THSD7B: variants seen among roughly 807,000 people sequenced by gnomAD.
THSD7B encodes thrombospondin type-1 domain-containing protein 7B.
THSD7B carries 138 observed loss-of-function variants against 213.6 expected under a neutral mutation model. That is an observed-to-expected ratio of 0.65 (90% CI 0.56 to 0.74). The LOEUF (loss-of-function observed/expected upper bound fraction) is 0.74, where lower values mean the gene tolerates loss of function less well. Among genes scored for constraint, THSD7B ranks in the 30% least tolerant of loss-of-function variants. The pLI, the probability that THSD7B is intolerant of heterozygous loss-of-function variation, is 0.00. For missense variants in THSD7B, 1,931 were observed against 1,991.5 expected (o/e 0.97, Z 0.58); for synonymous variants, 742 against 687.0 (o/e 1.08, Z -1.25).
intron 14 of THSD7B, among the ~76,000 whole-genome samples, chr2:137,441,437 T>G (rs1687409844): frequency 6.6e-6 from 1 of 152,196 alleles, no homozygotes; most frequent in African/African-American, 2.4e-5. Flanking sequence ...TAATTTAATT[T>G]GTGGTCTCTC....
At chr2:136,976,582 T>C (rs1685484835) in intron 2 of THSD7B, among the ~76,000 whole-genome samples, 1 of 152,166 alleles carries the variant, frequency 6.6e-6, no homozygotes, top group East Asian at 1.9e-4. Context: ...CAGTATTTTA[T>C]TGAGGGTTTT....
At position 137,169,850 on chromosome 2, in the gene THSD7B, T is replaced by C. The variant is rs145702138; in HGVS notation, c.1526-891T>C. Among the ~76,000 whole-genome samples the C allele has an allele frequency of 1.6e-3, 246 of 152,296 alleles. 1 individual carries two copies. The highest frequency in any genetic ancestry group is 5.4e-3 in the African/African-American group (224 of 41,558). ...TTGTTTTTTAAAAATTGTGCATTAG[T>C]TTTTATCATTTAAAAATAGAGGGAT... On this transcript the variant is annotated intron_variant, in intron 6 of 27. Coordinates refer to ENST00000409968, the MANE Select transcript of THSD7B (RefSeq NM_001316349.2).
chr2:137,249,326 A>G (rs1271313964), intron 10 of THSD7B, among the ~76,000 whole-genome samples: 1 of 152,138 alleles, frequency 6.6e-6, no homozygotes, highest in African/African-American at 2.4e-5. Context: ...TTTGGTTTAA[A>G]AAAAAAATAA....
chr2:137,152,845 C>A (rs1250040538), intron 5 of THSD7B, among the ~76,000 whole-genome samples: 1 of 152,168 alleles, frequency 6.6e-6, no homozygotes, highest in African/African-American at 2.4e-5. Flanking sequence ...CTGGAAATAG[C>A]TCTTTCATTG....
Position 137,647,506 on chromosome 2 carries a change from C to T in THSD7B, c.3945+4873C>T, listed in dbSNP as rs1683057879. Among the ~76,000 whole-genome samples, 2 of 143,382 alleles carry T rather than the reference C, an allele frequency of 1.4e-5. 1 individual carries two copies. The highest frequency in any genetic ancestry group is 4.6e-4 in the South Asian group (2 of 4,368). The allele number at this position is 143,382 out of a possible 152,430, so 94.1% of individuals were successfully genotyped here. A position where few individuals can be genotyped will look rare whatever the true frequency, so the allele number is the denominator to read the frequency against. On this transcript the variant is annotated intron_variant, in intron 21 of 27. Transcript: ENST00000409968. ...TCCCTCTTGTTTTGTCTCTTGCTCC[C>T]ACCTTCACTTTTCTTCTTTGTCTTA...
chr2:136,926,158 CCTCCCTCCTTT>C (rs141141322), intron 2 of THSD7B, among the ~76,000 whole-genome samples: 1,641 of 152,158 alleles, frequency 0.011, 21 homozygotes, highest in African/African-American at 0.037. Context: ...TATATGCATT[CCTCCCTCCTTT>C]CTCCCATGTC....
At chr2:136,767,636 G>A (rs1485011060) in intron 1 of THSD7B, among the ~76,000 whole-genome samples, 1 of 152,172 alleles carries the variant, frequency 6.6e-6, no homozygotes, top group Non-Finnish European at 1.5e-5. Context: ...AATTGTAGGT[G>A]TCATTGTTGA....
chr2:137,496,850 A>G (rs1055200382), intron 15 of THSD7B, among the ~76,000 whole-genome samples: 18 of 152,284 alleles, frequency 1.2e-4, no homozygotes, highest in African/African-American at 4.1e-4. Context: ...TTGAGTGCCT[A>G]TCATGTGCCC....
intron 12 of THSD7B, among the ~76,000 whole-genome samples, chr2:137,331,660 C>T (rs1469584317): frequency 3.9e-5 from 6 of 152,076 alleles, no homozygotes; most frequent in East Asian, 1.9e-4. Context: ...GAGCAGGGGG[C>T]GGTGCTCATC....
chr2:137,642,053 T>C (rs1682948656), intron 20 of THSD7B, among the ~76,000 whole-genome samples: 1 of 152,204 alleles, frequency 6.6e-6, no homozygotes, highest in Non-Finnish European at 1.5e-5. Context: ...CTATTTTGGT[T>C]TAATATTTGT....
intron 15 of THSD7B, among the ~76,000 whole-genome samples, chr2:137,461,165 A>G (rs988898915): frequency 6.6e-6 from 1 of 152,088 alleles, no homozygotes; most frequent in Middle Eastern, 3.2e-3. Context: ...AAATAACACT[A>G]TGACCATTCT....
At chr2:137,606,508 G>T (rs59560305) in intron 17 of THSD7B, among the ~76,000 whole-genome samples, 32,811 of 151,954 alleles carry the variant, frequency 0.22, 4,133 homozygotes, top group African/African-American at 0.34. Flanking sequence ...CTTTGGTTTG[G>T]TAGGGAGTGG....
chr2:137,242,446 C>T lies in THSD7B; in HGVS notation c.2151-11C>T. 1.2e-6 allele frequency: 2 copies of T among 1,607,054 alleles called. No homozygotes were observed. The highest frequency in any genetic ancestry group is 1.7e-6 in the Non-Finnish European group (2 of 1,173,704). ...CAAAAAGGCATTGACATGGTCTTTT[C>T]ACATTGACAGATGTCCAGATTCTAC... On this transcript the variant is annotated splice_polypyrimidine_tract_variant and intron_variant, in intron 9 of 27. Coordinates refer to ENST00000409968, the MANE Select transcript of THSD7B (RefSeq NM_001316349.2).
intron 15 of THSD7B, among the ~76,000 whole-genome samples, chr2:137,554,626 G>A (rs1433412279): frequency 6.6e-6 from 1 of 152,190 alleles, no homozygotes; most frequent in Non-Finnish European, 1.5e-5. Context: ...TGTGAGTGAT[G>A]CAGAGGTTGG....
At chr2:137,097,341 A>G (rs1266536941) in intron 4 of THSD7B, among the ~76,000 whole-genome samples, 1 of 152,226 alleles carries the variant, frequency 6.6e-6, no homozygotes, top group Non-Finnish European at 1.5e-5. Flanking sequence ...CCTTTTATCA[A>G]GTACCTACTG....
intron 12 of THSD7B, among the ~76,000 whole-genome samples, chr2:137,329,635 GA>G (rs1478202240): frequency 3.9e-5 from 6 of 152,094 alleles, no homozygotes; most frequent in Non-Finnish European, 7.3e-5. Context: ...AAAGTGCTAG[GA>G]TTATAGGCAT....
chr2:136,892,174 A>G (rs780182658), intron 2 of THSD7B, among the ~76,000 whole-genome samples: 1 of 152,090 alleles, frequency 6.6e-6, no homozygotes, highest in Non-Finnish European at 1.5e-5. Flanking sequence ...AACTAGCCTG[A>G]GGGCCATGCA....
intron 7 of THSD7B, among the ~76,000 whole-genome samples, chr2:137,221,032 G>A (rs1463111994): frequency 2.0e-5 from 3 of 152,160 alleles, no homozygotes; most frequent in African/African-American, 7.2e-5. Flanking sequence ...AGTTAGAACT[G>A]GCTCACGCCT....
chr2:137,494,324 G>A (rs1027013952), intron 15 of THSD7B, among the ~76,000 whole-genome samples: 2 of 151,902 alleles, frequency 1.3e-5, no homozygotes, highest in African/African-American at 2.4e-5. Context: ...ATTCAGGAGA[G>A]CAGACTATAT....
Sources: gnomAD v4.1 joint callset for allele counts (sites outside exome capture counted in the v4.1 genomes callset) on GRCh38, gnomAD v4.1.1 for gene constraint, MANE v1.5 for transcripts, NCBI Gene and HGNC (gene_info 2026-07-23, HGNC 2026-07-21) for gene names.